The following NEDD4L variants were observed in gnomAD, a reference collection of about 807,000 sequenced individuals.
NEDD4L encodes the protein NEDD4 like E3 ubiquitin protein ligase.
Under a neutral mutation model 148.9 loss-of-function variants are expected in NEDD4L, and 54 were observed. The observed-to-expected ratio is 0.36, with a 90% CI of 0.29 to 0.45. The LOEUF (loss-of-function observed/expected upper bound fraction) is 0.45. Ranked by LOEUF, NEDD4L falls within the 20% of genes least tolerant of loss-of-function variation. The pLI is 1.00. For synonymous variants in NEDD4L, 433 were observed against 440.7 expected (o/e 0.98, Z 0.22); for missense variants, 856 against 1,233.8 (o/e 0.69, Z 4.59).
At chr18:58,298,215 G>C (rs2055948038) in intron 5 of NEDD4L, among the ~76,000 whole-genome samples, 1 of 152,088 alleles carries the variant, frequency 6.6e-6, no homozygotes, top group African/African-American at 2.4e-5. Context: ...TCATATCTTA[G>C]TGTAAATTAT....
At chr18:58,258,090 T>A (rs2048841650) in intron 5 of NEDD4L, among the ~76,000 whole-genome samples, 1 of 152,250 alleles carries the variant, frequency 6.6e-6, no homozygotes, top group Non-Finnish European at 1.5e-5. Flanking sequence ...AGATGCTTAA[T>A]GAAAATTTAT....
At chr18:58,341,886 C>A in intron 15 of NEDD4L, 89 bp downstream of exon 15, 1 of 1,422,674 alleles carries the variant, frequency 7.0e-7, no homozygotes, top group Non-Finnish European at 9.7e-7. Context: ...AGTTTCGCAG[C>A]CACCTCCTCT....
At chr18:58,119,516 C>T (rs1337887203) in intron 1 of NEDD4L, among the ~76,000 whole-genome samples, 1 of 152,220 alleles carries the variant, frequency 6.6e-6, no homozygotes, top group Non-Finnish European at 1.5e-5. Context: ...ACACCTTTAC[C>T]CCGATCCACT....
intron 20 of NEDD4L, among the ~76,000 whole-genome samples, chr18:58,364,890 A>T (rs1422328467): frequency 6.6e-6 from 1 of 152,264 alleles, no homozygotes; most frequent in East Asian, 1.9e-4. Context: ...TTAAATTATA[A>T]CATTGCATTT....
intron 1 of NEDD4L, among the ~76,000 whole-genome samples, chr18:58,074,351 C>T (rs183192885): frequency 2.0e-4 from 31 of 151,440 alleles, no homozygotes; most frequent in African/African-American, 4.6e-4. Context: ...CTCTGCCTCC[C>T]GGGTTCAAGC....
chr18:58,111,810 G>A (rs1453399475), intron 1 of NEDD4L, among the ~76,000 whole-genome samples: 1 of 152,138 alleles, frequency 6.6e-6, no homozygotes, highest in Non-Finnish European at 1.5e-5. Context: ...TACAGGTTTT[G>A]GATGAATATG....
At position 58,337,865 on chromosome 18, in the gene NEDD4L, C is replaced by G. The variant is rs1475011958; in HGVS notation, c.1125+2328C>G. 2.6e-5 allele frequency among the ~76,000 whole-genome samples: 4 copies of G among 152,134 alleles called. No homozygotes were observed. The East Asian group carries it at 7.7e-4, about 29-fold the overall frequency. On this transcript the variant is annotated intron_variant, in intron 13 of 30. Transcript: ENST00000400345. Reference sequence around the variant, plus strand: ...GATTCTCAGCCAAGAAACCACAGCCCTTTGATTTATGGCAAATAAACGCAC... The same window carrying G: ...GATTCTCAGCCAAGAAACCACAGCCGTTTGATTTATGGCAAATAAACGCAC...
intron 1 of NEDD4L, among the ~76,000 whole-genome samples, chr18:58,125,359 G>GTGTGTGTGTGTGTA (rs2030861835): frequency 1.4e-4 from 4 of 29,076 alleles, no homozygotes; most frequent in Non-Finnish European, 6.4e-5. Flanking sequence ...CACCAGGAGG[G>GTGTGTGTGTGTGTA]TGTGTGTGTG....
intron 2 of NEDD4L, among the ~76,000 whole-genome samples, chr18:58,239,562 T>C (rs1048438696): frequency 2.0e-5 from 3 of 152,126 alleles, no homozygotes; most frequent in African/African-American, 7.2e-5. Flanking sequence ...TTTATTCTGA[T>C]AAAAATGAGC....
At chr18:58,331,708 A>G (rs1847712959) in intron 11 of NEDD4L, among the ~76,000 whole-genome samples, 4 of 152,254 alleles carry the variant, frequency 2.6e-5, no homozygotes, top group African/African-American at 9.6e-5. Flanking sequence ...AAAATGTACA[A>G]TAGTAAATGA....
At chr18:58,331,623 C>A (rs911117529) in intron 11 of NEDD4L, among the ~76,000 whole-genome samples, 2 of 152,106 alleles carry the variant, frequency 1.3e-5, no homozygotes, top group African/African-American at 4.8e-5. Context: ...GCAGAAATAA[C>A]CCATAGAAAA....
chr18:58,388,984 G>A (rs981323610), intron 27 of NEDD4L, 101 bp from the exon 28 acceptor site: 10 of 894,162 alleles, frequency 1.1e-5, no homozygotes, highest in African/African-American at 6.6e-5. Flanking sequence ...TTACCTTCGC[G>A]GCACAGTGAC....
chr18:58,225,922 T>C (rs2044299778), intron 2 of NEDD4L, among the ~76,000 whole-genome samples: 1 of 152,346 alleles, frequency 6.6e-6, no homozygotes, highest in East Asian at 1.9e-4. Flanking sequence ...AGTTTTGTTT[T>C]CTTCTGCCAT....
chr18:58,324,396 G>A (rs1316426757), intron 8 of NEDD4L, among the ~76,000 whole-genome samples: 1 of 152,226 alleles, frequency 6.6e-6, no homozygotes, highest in Non-Finnish European at 1.5e-5. Context: ...GGCCTGAGTA[G>A]AAGGCAGCAG....
chr18:58,130,624 G>A (rs2031941181), intron 1 of NEDD4L, among the ~76,000 whole-genome samples: 1 of 146,884 alleles, frequency 6.8e-6, no homozygotes. Context: ...GCAGAACTGT[G>A]GCGGTGTTGG....
intron 2 of NEDD4L, among the ~76,000 whole-genome samples, chr18:58,193,525 C>T (rs1346498823): frequency 1.3e-5 from 2 of 152,156 alleles, no homozygotes; most frequent in Non-Finnish European, 1.5e-5. Flanking sequence ...TTACTGGTAT[C>T]GTTTTAGAGA....
At chr18:58,162,416 C>T (rs1448004055) in intron 1 of NEDD4L, among the ~76,000 whole-genome samples, 2 of 151,998 alleles carry the variant, frequency 1.3e-5, no homozygotes, top group African/African-American at 4.8e-5. Context: ...CACCACTCAG[C>T]CTTCTTCCTT....
Position 58,256,909 on chromosome 18 carries a change from C to T in NEDD4L, c.297+4855C>T. The T allele has an allele frequency of 5.2e-6, 4 of 774,964 alleles. No homozygotes were observed. Among genetic ancestry groups the T allele is most frequent in the Non-Finnish European group, 7.0e-6 (4 of 571,210 alleles). 48.0% of individuals were successfully genotyped at this position (774,964 alleles called of 1,614,324 possible). On this transcript the variant is annotated intron_variant, in intron 5 of 30. Coordinates refer to ENST00000400345, the MANE Select transcript of NEDD4L (RefSeq NM_001144967.3). The surrounding 1 kb of genome is among the most constrained non-coding windows in gnomAD (Gnocchi z 5.2). ...AGGCCAGTGGATCTGAATGTTTGGC[C>T]GAGTTCTGGCACGATGATTTGTGGT...
At position 58,248,925 on chromosome 18, in the gene NEDD4L, AT is replaced by A; in HGVS notation, c.235del (p.Tyr79IlefsTer4). The A allele has an allele frequency of 1.3e-6, 2 of 1,492,418 alleles. No homozygotes were observed. Among genetic ancestry groups the A allele is most frequent in the Non-Finnish European group, 1.8e-6 (2 of 1,094,364 alleles). The allele number at this position is 1,492,418 out of a possible 1,614,324, so 92.4% of individuals were successfully genotyped here. A position where few individuals can be genotyped will look rare whatever the true frequency, so the allele number is the denominator to read the frequency against. On this transcript the variant is annotated frameshift_variant, in exon 4 of 31. Transcript: ENST00000400345. LOFTEE classifies it high-confidence loss of function. ...CACTGAACCCAAAATGGAATGAAGA[AT>A]TTTATTTCAGGGTAAGTTTTTCATT... ...KTLNPKWNEE[F>X]YFRVNPSNHR...
Sources: allele counts gnomAD v4.1 joint callset (sites outside exome capture counted in the v4.1 genomes callset), GRCh38; gene constraint gnomAD v4.1.1; non-coding constraint Gnocchi (gnomAD v3.1); transcripts MANE v1.5; gene names NCBI Gene and HGNC (gene_info 2026-07-23, HGNC 2026-07-21).